Variants in HELB observed in about 807,000 individuals in gnomAD.
HELB encodes DNA 5'-3' helicase B.
In HELB, 96 loss-of-function variants were observed where a neutral mutation model predicts 101.7. The ratio of observed to expected loss-of-function variants is 0.94; its 90% CI spans 0.80 to 1.12. The LOEUF (loss-of-function observed/expected upper bound fraction) is 1.12, where lower values mean the gene tolerates loss of function less well. Ranked by LOEUF, HELB falls within the 50% of genes most tolerant of loss-of-function variation. HELB has a pLI of 0.00. For synonymous variants in HELB, 437 were observed against 459.7 expected (o/e 0.95, Z 0.63); for missense variants, 1,210 against 1,291.9 (o/e 0.94, Z 0.97).
At position 66,310,180 on chromosome 12, in the gene HELB, G is replaced by A. The variant is rs1173129388; in HGVS notation, c.1252G>A (p.Val418Ile). The A allele has an allele frequency of 1.2e-6, 2 of 1,614,098 alleles. No homozygotes were observed. Among genetic ancestry groups the A allele is most frequent in the Admixed American group, 1.7e-5 (1 of 60,032 alleles). ...DEVRLENPVD[V>I]VDTQDNGDHI... is the part of the protein sequence containing the mutation. ...AGTAAGATTAGAAAATCCTGTGGATGTTGTGGACACACAGGACAATGGTGA... is the reference window on the plus strand; with the variant it reads ...AGTAAGATTAGAAAATCCTGTGGATATTGTGGACACACAGGACAATGGTGA... The change falls in exon 4 of 13, where the codon GTT (valine) becomes ATT (isoleucine). Residue 418 changes from valine (V) to isoleucine (I), a missense_variant. Coordinates refer to ENST00000247815, the MANE Select transcript of HELB (RefSeq NM_001370285.1).
intron 12 of HELB, among the ~76,000 whole-genome samples, chr12:66,335,394 T>C (rs1030667380): frequency 6.6e-6 from 1 of 150,670 alleles, no homozygotes; most frequent in African/African-American, 2.4e-5. Flanking sequence ...GGAGTGTGAG[T>C]GAGATAGAAG....
intron 3 of HELB, among the ~76,000 whole-genome samples, chr12:66,307,512 C>G (rs142941083): frequency 6.6e-6 from 1 of 152,172 alleles, no homozygotes; most frequent in African/African-American, 2.4e-5. Flanking sequence ...ATTAACAATA[C>G]ACATTGTGTT....
At chr12:66,325,533 C>G (rs979583090) in intron 11 of HELB, among the ~76,000 whole-genome samples, 1 of 152,054 alleles carries the variant, frequency 6.6e-6, no homozygotes, top group African/African-American at 2.4e-5. Context: ...TCTTGGGAAC[C>G]CATTAAATTT....
At chr12:66,318,888 TA>T (rs2053640091) in intron 7 of HELB, 96 bp downstream of exon 7, 2 of 894,150 alleles carry the variant, frequency 2.2e-6, no homozygotes, top group East Asian at 5.6e-5. Flanking sequence ...TCTTTAATGG[TA>T]AAGAGAAATA....
rs973229500 is a variant in HELB, at chr12:66,331,475, G to C, written c.2992G>C (p.Val998Leu). The C allele has an allele frequency of 1.6e-5, 26 of 1,614,184 alleles. No homozygotes were observed. The highest frequency in any genetic ancestry group is 2.2e-5 in the Non-Finnish European group (26 of 1,180,038). The change falls in exon 12 of 13, where the codon GTC becomes CTC. Residue 998 changes from valine to leucine, a missense_variant. Physicochemically the swap from Val to Leu is conservative, Grantham distance 32 (BLOSUM62 1). Around this residue, in one of 2 missense-constraint regions of HELB, gnomAD observed 740 missense variants for 728.8 expected, o/e 1.02. Coordinates refer to ENST00000247815, the MANE Select transcript of HELB (RefSeq NM_001370285.1). ...VVTDHAMTNDVTWSEASSPDE... is the reference protein window; with the variant it reads ...VVTDHAMTNDLTWSEASSPDE... ...CACAGACCACGCCATGACAAATGATGTCACCTGGAGCGAGGCCTCTTCGCC... is the reference window on the plus strand; with the variant it reads ...CACAGACCACGCCATGACAAATGATCTCACCTGGAGCGAGGCCTCTTCGCC...
chr12:66,325,516 C>A (rs1340198084), intron 11 of HELB, among the ~76,000 whole-genome samples: 1 of 152,124 alleles, frequency 6.6e-6, no homozygotes, highest in East Asian at 1.9e-4. Context: ...ATCTTGATTG[C>A]TGAGTTTCTT....
rs1348946502 is a variant in HELB at position 66,318,739 on chromosome 12, G to C, written c.2102G>C (p.Arg701Thr). Residue 701 changes from arginine to threonine, a missense_variant, in exon 7 of 13, where the codon AGG (arginine) becomes ACG (threonine). By Grantham distance (71) the Arg-to-Thr change is moderately conservative (BLOSUM62 -1). Around this residue, in one of 2 missense-constraint regions of HELB, gnomAD observed 740 missense variants for 728.8 expected, o/e 1.02. Coordinates refer to ENST00000247815, the MANE Select transcript of HELB (RefSeq NM_001370285.1). ...SIQDKTFIFV[R>T]LPEEDASSQS... The stretch of plus-strand genomic sequence containing the variant: ...CAAGATAAGACATTTATTTTTGTCA[G>C]GCTCCCAGAAGAGGATGCCAGTTCT... 6.2e-7 allele frequency: 1 copy of C among 1,611,168 alleles called. No homozygotes were observed. Among genetic ancestry groups the C allele is most frequent in the South Asian group, 1.1e-5 (1 of 90,542 alleles).
chr12:66,324,009 G>A lies in HELB; in HGVS notation c.2324G>A (p.Gly775Glu). Residue 775 changes from glycine to glutamate, a missense_variant, in exon 10 of 13, where the codon GGA becomes GAA. Physicochemically the swap from Gly to Glu is moderately conservative, Grantham distance 98. Coordinates refer to ENST00000247815, the MANE Select transcript of HELB (RefSeq NM_001370285.1). ...GACCATCAGAGTAGACTTGTTTTTGGAATTGGTGATAAAATTTGTTGTACC... is the reference window on the plus strand; with the variant it reads ...GACCATCAGAGTAGACTTGTTTTTGAAATTGGTGATAAAATTTGTTGTACC... ...TKDHQSRLVFGIGDKICCTRN... is the reference protein window; with the variant it reads ...TKDHQSRLVFEIGDKICCTRN... 1 of 1,612,212 alleles carries A rather than the reference G, an allele frequency of 6.2e-7. No homozygotes were observed. Among genetic ancestry groups the A allele is most frequent in the Non-Finnish European group, 8.5e-7 (1 of 1,178,628 alleles).
intron 5 of HELB, 139 bp downstream of exon 5, chr12:66,314,302 A>G: frequency 1.3e-6 from 1 of 778,308 alleles, no homozygotes; most frequent in Non-Finnish European, 2.1e-6. Context: ...CATGAAATTA[A>G]ATCTGACCAC....
chr12:66,338,172 G>C lies in HELB; in HGVS notation c.*70G>C, dbSNP rs2053887097. 1.1e-6 allele frequency: 1 copy of C among 925,562 alleles called. No individual in the cohort carries two copies. The highest frequency in any genetic ancestry group is 1.7e-6 in the Non-Finnish European group (1 of 578,080). The allele number at this position is 925,562 out of a possible 1,614,324, so 57.3% of individuals were successfully genotyped here. ...ACAAAATGAACATCGTAACGTCAAA[G>C]TACCAAGATAAAAAAAGTTTCCTAT... On this transcript the variant is annotated 3_prime_UTR_variant, in exon 13 of 13. Transcript: ENST00000247815.
chr12:66,324,326 A>AT (rs1265522751), intron 10 of HELB, 115 bp downstream of exon 10: 9 of 827,012 alleles, frequency 1.1e-5, no homozygotes, highest in Middle Eastern at 3.6e-4. Context: ...TTGTTTCATG[A>AT]TTTTTTGTTA....
intron 11 of HELB, among the ~76,000 whole-genome samples, chr12:66,325,407 C>T (rs1005368473): frequency 6.6e-6 from 1 of 152,160 alleles, no homozygotes; most frequent in Non-Finnish European, 1.5e-5. Flanking sequence ...GCACTGTACT[C>T]ATCTTATCTT....
chr12:66,307,095 A>C (rs1460857427), intron 3 of HELB, among the ~76,000 whole-genome samples: 1 of 152,246 alleles, frequency 6.6e-6, no homozygotes, highest in Admixed American at 6.5e-5. Context: ...CAAATGTGGT[A>C]CTTAATCTTG....
At chr12:66,318,816 G>A in intron 7 of HELB, 24 bp downstream of exon 7, 5 of 1,538,856 alleles carry the variant, frequency 3.2e-6, no homozygotes, top group Middle Eastern at 1.9e-4. Flanking sequence ...TCTATGAGAT[G>A]TAGAGTTAAG....
chr12:66,305,959 A>G (rs2053470461), intron 2 of HELB, among the ~76,000 whole-genome samples: 1 of 152,212 alleles, frequency 6.6e-6, no homozygotes, highest in African/African-American at 2.4e-5. Flanking sequence ...AATGATTTCA[A>G]TGACAAAAGA....
chr12:66,317,208 A>G (rs979815723), intron 6 of HELB, among the ~76,000 whole-genome samples: 3 of 151,882 alleles, frequency 2.0e-5, no homozygotes, highest in Non-Finnish European at 2.9e-5. Context: ...AAAAAAAAAA[A>G]TTGTAAAAAA....
intron 11 of HELB, among the ~76,000 whole-genome samples, chr12:66,327,852 T>C (rs2053760150): frequency 6.6e-6 from 1 of 151,998 alleles, no homozygotes; most frequent in Admixed American, 6.6e-5. Flanking sequence ...GCAAATCCTG[T>C]GGAAAAGAGG....
intron 6 of HELB, among the ~76,000 whole-genome samples, chr12:66,317,798 A>G (rs959712195): frequency 3.3e-5 from 5 of 152,218 alleles, no homozygotes; most frequent in Admixed American, 1.3e-4. Flanking sequence ...TCAGGTCCCA[A>G]TTAAATCTGG....
chr12:66,304,050 A>G lies in HELB; in HGVS notation c.188-681A>G, dbSNP rs2053442207. Among the ~76,000 whole-genome samples, 3 of 152,236 alleles carry G rather than the reference A, an allele frequency of 2.0e-5. No homozygotes were observed. In the South Asian group the frequency reaches 6.2e-4, roughly 31 times the overall value. On this transcript the variant is annotated intron_variant, in intron 1 of 12. Transcript: ENST00000247815. The stretch of plus-strand genomic sequence containing the variant: ...AGATTTAGGCAGAAAAGTTTCAAGT[A>G]TTTGTGGAGGGCTTAGTCGTCATTC...
Sources: allele counts gnomAD v4.1 joint callset (sites outside exome capture counted in the v4.1 genomes callset), GRCh38; gene constraint gnomAD v4.1.1; regional missense constraint gnomAD v4.1.1; transcripts MANE v1.5; gene names NCBI Gene and HGNC (gene_info 2026-07-23, HGNC 2026-07-21).